Variants in MRS2 observed in about 807,000 individuals in gnomAD.
MRS2 encodes the protein magnesium transporter MRS2 homolog, mitochondrial.
In MRS2, 40 loss-of-function variants were observed where a neutral mutation model predicts 52.6. The ratio of observed to expected loss-of-function variants is 0.76; its 90% CI spans 0.59 to 0.99. MRS2 has a LOEUF of 0.99. Among genes scored for constraint, MRS2 ranks in the 50% least tolerant of loss-of-function variants. The probability of loss-of-function intolerance (pLI) is 0.00; values close to 1 mark genes in which losing one functional copy is unlikely to be tolerated. For missense variants in MRS2, 472 were observed against 532.7 expected, an observed-to-expected ratio of 0.89 and a Z score of 1.12; for synonymous variants, 193 against 195.9, an observed-to-expected ratio of 0.98 and a Z score of 0.13.
At chr6:24,414,366 T>C (rs1468748738) in intron 5 of MRS2, among the ~76,000 whole-genome samples, 5 of 152,034 alleles carry the variant, frequency 3.3e-5, no homozygotes, top group Non-Finnish European at 7.4e-5. Context: ...ACGAGCATGC[T>C]GCCTTCAAGC....
intron 9 of MRS2, among the ~76,000 whole-genome samples, chr6:24,420,929 C>G (rs1316663222): frequency 6.6e-6 from 1 of 152,084 alleles, no homozygotes; most frequent in East Asian, 1.9e-4. Flanking sequence ...GTTTGGATTT[C>G]TAAGTGGGAT....
chr6:24,406,766 C>A (rs181419590), intron 2 of MRS2, among the ~76,000 whole-genome samples: 1 of 152,170 alleles, frequency 6.6e-6, no homozygotes, highest in Non-Finnish European at 1.5e-5. Context: ...CAGAGCAAGA[C>A]TCTGTCTCAA....
chr6:24,422,787 T>TATCA (rs1273968917), intron 9 of MRS2, 150 bp from the exon 10 acceptor site: 9 of 485,154 alleles, frequency 1.9e-5, no homozygotes, highest in Non-Finnish European at 3.3e-5. Context: ...CTGTGGGTGC[T>TATCA]ATCAAGGCCC....
At chr6:24,419,238 T>C (rs1215854856) in intron 9 of MRS2, 1 of 152,130 alleles carries the variant, frequency 6.6e-6, no homozygotes, top group East Asian at 1.9e-4. Context: ...TGAGACTCTG[T>C]CTCAAAAAAT....
chr6:24,417,957 AAGAC>A (rs201821538), intron 7 of MRS2, 123 bp from the exon 8 acceptor site: 7,979 of 625,568 alleles, frequency 0.013, 25 homozygotes, highest in East Asian at 0.04. Context: ...AAAAAAAGAC[AAGAC>A]AAGACAAAGG....
chr6:24,404,541 T>C (rs1306502404), intron 1 of MRS2, among the ~76,000 whole-genome samples: 1 of 152,212 alleles, frequency 6.6e-6, no homozygotes, highest in East Asian at 1.9e-4. Context: ...CTGTCAGTCA[T>C]TAAATGTACT....
At chr6:24,418,039 T>TA in intron 7 of MRS2, 45 bp from the exon 8 acceptor site, 1 of 1,555,492 alleles carries the variant, frequency 6.4e-7, no homozygotes, top group South Asian at 1.2e-5. Context: ...AAGTATATGA[T>TA]ACACATGTTG....
At chr6:24,407,330 TATTA>T (rs1761510052) in intron 2 of MRS2, among the ~76,000 whole-genome samples, 2 of 146,306 alleles carry the variant, frequency 1.4e-5, no homozygotes, top group African/African-American at 2.8e-5. Context: ...TATATATTCA[TATTA>T]ATTTTATTTT....
At chr6:24,410,145 A>T (rs1303306986) in intron 4 of MRS2, among the ~76,000 whole-genome samples, 1 of 152,064 alleles carries the variant, frequency 6.6e-6, no homozygotes, top group African/African-American at 2.4e-5. Context: ...AAACCCAGCT[A>T]ATTTTGTATT....
rs558213808 is a variant in MRS2 at position 24,418,235 on chromosome 6, A to G, written c.988A>G (p.Ser330Gly). ...SQSIIFINLD[S>G]HRNVMMRLNL... ...AAGTATTATTTTCATTAATCTGGAC[A>G]GGTAAGAAAGCATTATATAAAACTA... Residue 330 changes from serine to glycine, a missense_variant and splice_region_variant, in exon 8 of 11, where the codon AGC becomes GGC. Physicochemically the swap from Ser to Gly is moderately conservative, Grantham distance 56 (BLOSUM62 0). Coordinates refer to ENST00000378386, the MANE Select transcript of MRS2 (RefSeq NM_020662.4). 1 of 1,580,530 alleles carries G rather than the reference A, an allele frequency of 6.3e-7. No individual in the cohort carries two copies. Among genetic ancestry groups the G allele is most frequent in the Admixed American group, 2.0e-5 (1 of 51,176 alleles).
intron 6 of MRS2, 75 bp from the exon 7 acceptor site, chr6:24,416,322 A>G (rs1395382449): frequency 1.5e-6 from 1 of 654,370 alleles, no homozygotes; most frequent in African/African-American, 1.9e-5. Flanking sequence ...TTGATAAGAT[A>G]CTCTAAAAAC....
Position 24,403,081 on chromosome 6 carries a change from C to G in MRS2, c.35C>G (p.Pro12Arg). 1 of 1,611,922 alleles carries G rather than the reference C, an allele frequency of 6.2e-7. No homozygotes were observed. The stretch of plus-strand genomic sequence containing the variant: ...CTGCGCAGTTTACCCTGCCTCCTGC[C>G]CCGCGCGATGAGACTTCCCCGGCGG... ...ECLRSLPCLL[P>R]RAMRLPRRTL... The change falls in exon 1 of 11, where the codon CCC (proline) becomes CGC (arginine). Residue 12 changes from proline (P) to arginine (R), a missense_variant. Physicochemically the swap from Pro to Arg is moderately radical, Grantham distance 103. Transcript: ENST00000378386.
rs79527965 is a variant in MRS2, at chr6:24,418,558, T to C, written c.1087T>C (p.Leu363=). Residue 363 remains leucine (L), a synonymous_variant, in exon 9 of 11, where the codon TTG becomes CTG. Transcript: ENST00000378386. ...GLMGVAFGMN[L]ESSLEEDHRI... ...AATGGGAGTTGCTTTTGGAATGAAT[T>C]TGGAATCTTCCCTTGAAGAGGTGAG... 233,858 of 1,612,176 alleles carry C rather than the reference T, an allele frequency of 0.15. 18,422 individuals are homozygous for C. Among genetic ancestry groups the C allele is most frequent in the Middle Eastern group, 0.17 (1,011 of 6,062 alleles).
chr6:24,412,237 A>G lies in MRS2; in HGVS notation c.430A>G (p.Ile144Val), dbSNP rs201300768. The G allele has an allele frequency of 1.1e-5, 17 of 1,551,854 alleles. No homozygotes were observed. The highest frequency in any genetic ancestry group is 1.2e-5 in the South Asian group (1 of 81,396). ...TTTTTAACAGTATTTGAAAGCTGTG[A>G]TAACTCCAGAGTGTCTTCTGATATT... is the stretch of plus-strand genomic sequence containing the variant. ...IMRMEYLKAV[I>V]TPECLLILDY... The change falls in exon 5 of 11, where the codon ATA (isoleucine) becomes GTA (valine). Residue 144 changes from isoleucine (I) to valine (V), a missense_variant. Coordinates refer to ENST00000378386, the MANE Select transcript of MRS2 (RefSeq NM_020662.4).
At chr6:24,408,677 C>T (rs79955416) in intron 3 of MRS2, among the ~76,000 whole-genome samples, 6 of 152,130 alleles carry the variant, frequency 3.9e-5, no homozygotes, top group Non-Finnish European at 8.8e-5. Flanking sequence ...CTCTAACAGG[C>T]TATTGAAGGA....
chr6:24,406,392 T>C (rs777168083), intron 2 of MRS2, among the ~76,000 whole-genome samples: 2 of 148,750 alleles, frequency 1.3e-5, no homozygotes, highest in African/African-American at 2.4e-5. Flanking sequence ...CTTTATAAAC[T>C]ATATAAAATT....
At position 24,423,608 on chromosome 6, in the gene MRS2, CT is replaced by C; in HGVS notation, c.1248del (p.Leu417TrpfsTer8). The C allele has an allele frequency of 6.2e-7, 1 of 1,608,796 alleles. No homozygotes were observed. Among genetic ancestry groups the C allele is most frequent in the South Asian group, 1.1e-5 (1 of 90,890 alleles). Reference sequence around the variant, plus strand: ...GATGGCTTCTTTACCTAAAAAGACTCTTCTGGCAGATAGAAGCATGGAATTG... The same window carrying C: ...GATGGCTTCTTTACCTAAAAAGACTCTCTGGCAGATAGAAGCATGGAATTG... ...PMMASLPKKTLLADRSMELKN... is the reference protein window; with the variant it reads ...PMMASLPKKTXLADRSMELKN... On this transcript the variant is annotated frameshift_variant, in exon 11 of 11. Transcript: ENST00000378386. LOFTEE classifies it high-confidence loss of function.
In MRS2 at chr6:24,418,854, G is replaced by A. The variant is rs947598642; in HGVS notation, c.1107+276G>A. ...GCGGAGGTTGCAGTGAGCTGAGATCGCGCCGTTGCACTCCAGCCTGGGAGA... is the reference window on the plus strand; with the variant it reads ...GCGGAGGTTGCAGTGAGCTGAGATCACGCCGTTGCACTCCAGCCTGGGAGA... On this transcript the variant is annotated intron_variant, in intron 9 of 10. Coordinates refer to ENST00000378386, the MANE Select transcript of MRS2 (RefSeq NM_020662.4). The A allele has an allele frequency of 1.2e-4, 34 of 273,668 alleles. 1 individual carries two copies. Among genetic ancestry groups the A allele is most frequent in the Middle Eastern group, 2.9e-3 (2 of 696 alleles). The allele number at this position is 273,668 out of a possible 1,614,324, so 17.0% of individuals were successfully genotyped here. A position where few individuals can be genotyped will look rare whatever the true frequency, so the allele number is the denominator to read the frequency against.
At chr6:24,408,739 T>G (rs926890086) in intron 3 of MRS2, among the ~76,000 whole-genome samples, 3 of 152,026 alleles carry the variant, frequency 2.0e-5, no homozygotes, top group South Asian at 4.2e-4. Flanking sequence ...AGACACACTC[T>G]TTTTCTCTTT....
Sources: gnomAD v4.1 joint callset for allele counts (sites outside exome capture counted in the v4.1 genomes callset) on GRCh38, gnomAD v4.1.1 for gene constraint, MANE v1.5 for transcripts, NCBI Gene and HGNC (gene_info 2026-07-23, HGNC 2026-07-21) for gene names.